The following MAST4 variants were observed in gnomAD, a reference collection of about 807,000 sequenced individuals.
The protein encoded by MAST4 is microtubule associated serine/threonine kinase family member 4.
Under a neutral mutation model 162.7 loss-of-function variants are expected in MAST4, and 89 were observed. The ratio of observed to expected loss-of-function variants is 0.55; its 90% CI spans 0.46 to 0.65. The LOEUF is 0.65. MAST4 is among the 30% of genes least tolerant of loss of function. The pLI, the probability that MAST4 is intolerant of heterozygous loss-of-function variation, is 0.00. For missense variants in MAST4, 3,153 were observed against 3,374.0 expected (o/e 0.93, Z 1.62); for synonymous variants, 1,479 against 1,361.1 (o/e 1.09, Z -1.91).
chr5:66,969,758 G>A (rs1747202798), intron 4 of MAST4, among the ~76,000 whole-genome samples: 1 of 152,208 alleles, frequency 6.6e-6, no homozygotes, highest in South Asian at 2.1e-4. Context: ...CAGGGAACCT[G>A]TAAGACTGGG....
chr5:66,905,489 A>C (rs78320069), intron 4 of MAST4, among the ~76,000 whole-genome samples: 1,817 of 152,264 alleles, frequency 0.012, 37 homozygotes, highest in African/African-American at 0.041. Flanking sequence ...CTGATCTAGC[A>C]ACAATACTAG....
chr5:66,883,743 C>T (rs1761861089), intron 3 of MAST4, among the ~76,000 whole-genome samples: 1 of 152,088 alleles, frequency 6.6e-6, no homozygotes, highest in African/African-American at 2.4e-5. Flanking sequence ...AACACATGGA[C>T]ATGGTAACAC....
intron 27 of MAST4, 141 bp from the exon 28 acceptor site, chr5:67,162,466 G>A: frequency 1.5e-6 from 1 of 661,910 alleles, no homozygotes; most frequent in Non-Finnish European, 2.6e-6. Flanking sequence ...TAATAGGAAA[G>A]TGGTGTTCTG....
chr5:66,606,849 G>A (rs568498658), intron 1 of MAST4, among the ~76,000 whole-genome samples: 1 of 148,222 alleles, frequency 6.7e-6, no homozygotes, highest in Non-Finnish European at 1.5e-5. Flanking sequence ...AAGTGAATTT[G>A]CTCATTTAAA....
chr5:66,887,940 G>A (rs1024048696), intron 3 of MAST4, among the ~76,000 whole-genome samples: 4 of 152,050 alleles, frequency 2.6e-5, no homozygotes, highest in Non-Finnish European at 5.9e-5. Context: ...TGGGCGCGGT[G>A]GCTCACGCCT....
intron 1 of MAST4, among the ~76,000 whole-genome samples, chr5:66,626,568 C>T (rs1228241210): frequency 6.6e-6 from 1 of 152,150 alleles, no homozygotes; most frequent in Non-Finnish European, 1.5e-5. Context: ...TCAGCTAGAA[C>T]ATTTGCAAAT....
At chr5:67,042,111 G>A (rs1756818849) in intron 4 of MAST4, among the ~76,000 whole-genome samples, 1 of 152,294 alleles carries the variant, frequency 6.6e-6, no homozygotes, top group South Asian at 2.1e-4. Flanking sequence ...GTTACTGTAT[G>A]TTCACATAAG....
intron 4 of MAST4, among the ~76,000 whole-genome samples, chr5:66,988,869 G>C (rs540235857): frequency 6.6e-6 from 1 of 152,260 alleles, no homozygotes; most frequent in Admixed American, 6.5e-5. Context: ...ACACATACAT[G>C]GTTCACATTT....
At chr5:67,090,848 A>T (rs1196475783) in intron 6 of MAST4, among the ~76,000 whole-genome samples, 4 of 151,890 alleles carry the variant, frequency 2.6e-5, no homozygotes, top group Non-Finnish European at 5.9e-5. Flanking sequence ...GTGCACAGTC[A>T]TCTCTTCTGT....
At chr5:66,749,059 G>C (rs1752967580) in intron 1 of MAST4, among the ~76,000 whole-genome samples, 1 of 152,060 alleles carries the variant, frequency 6.6e-6, no homozygotes, top group Non-Finnish European at 1.5e-5. Context: ...GTGTCACTCA[G>C]GAGGGCCAGT....
chr5:66,821,256 C>T (rs895087607), intron 3 of MAST4, among the ~76,000 whole-genome samples: 11 of 152,210 alleles, frequency 7.2e-5, no homozygotes, highest in Non-Finnish European at 1.3e-4. Flanking sequence ...GTCTTTCTGA[C>T]AGGTTTAAAG....
chr5:66,976,679 G>A (rs1179107029), intron 4 of MAST4, among the ~76,000 whole-genome samples: 1 of 152,326 alleles, frequency 6.6e-6, no homozygotes, highest in Middle Eastern at 3.4e-3. Flanking sequence ...TAGCATTCAG[G>A]AGGGAGATCT....
At chr5:67,078,911 A>AATAAAT (rs1227485756) in intron 5 of MAST4, among the ~76,000 whole-genome samples, 7,379 of 37,746 alleles carry the variant, frequency 0.2, 1,296 homozygotes, top group Admixed American at 0.24. Context: ...TTTTTATATA[A>AATAAAT]ATATATATAT....
chr5:66,644,736 C>T (rs1580086582), intron 1 of MAST4, among the ~76,000 whole-genome samples: 1 of 145,194 alleles, frequency 6.9e-6, no homozygotes, highest in Admixed American at 6.9e-5. Context: ...TGGACAGCTA[C>T]ATTTGAAGTA....
At chr5:66,751,904 G>T (rs1451346405) in intron 1 of MAST4, among the ~76,000 whole-genome samples, 1 of 150,084 alleles carries the variant, frequency 6.7e-6, no homozygotes, top group Non-Finnish European at 1.5e-5. Context: ...GAAAGGTCGG[G>T]TTACCCTCAA....
intron 13 of MAST4, among the ~76,000 whole-genome samples, chr5:67,119,570 G>A (rs986174130): frequency 6.6e-6 from 1 of 152,202 alleles, no homozygotes; most frequent in African/African-American, 2.4e-5. Context: ...TTCCCTGTTT[G>A]TAAAAGATTA....
chr5:66,705,758 C>A (rs1250556425), intron 1 of MAST4, among the ~76,000 whole-genome samples: 1 of 152,058 alleles, frequency 6.6e-6, no homozygotes, highest in East Asian at 2.0e-4. Context: ...AAGGGTTAAT[C>A]AGTCATGCAA....
chr5:66,893,992 G>A (rs776485833), intron 3 of MAST4, among the ~76,000 whole-genome samples: 14 of 152,280 alleles, frequency 9.2e-5, no homozygotes, highest in South Asian at 2.1e-4. Flanking sequence ...ATCCCTGGAT[G>A]AGCCTGTACA....
intron 1 of MAST4, among the ~76,000 whole-genome samples, chr5:66,647,952 T>C (rs1406515103): frequency 3.3e-5 from 5 of 152,042 alleles, no homozygotes; most frequent in African/African-American, 1.2e-4. Flanking sequence ...TGATAAGTCA[T>C]TTACATTATT....
Sources: gnomAD v4.1 joint callset for allele counts (sites outside exome capture counted in the v4.1 genomes callset) on GRCh38, gnomAD v4.1.1 for gene constraint, MANE v1.5 for transcripts, NCBI Gene and HGNC (gene_info 2026-07-23, HGNC 2026-07-21) for gene names.